HDAC4: variants seen among roughly 807,000 people sequenced by gnomAD.
HDAC4 encodes the protein histone deacetylase A.
In HDAC4, 16 loss-of-function variants were observed where a neutral mutation model predicts 135.1. The ratio of observed to expected loss-of-function variants is 0.12; its 90% confidence interval spans 0.08 to 0.18. The LOEUF is 0.18. HDAC4 is among the 10% of genes least tolerant of loss of function. The probability of loss-of-function intolerance (pLI) is 1.00; values close to 1 mark genes in which losing one functional copy is unlikely to be tolerated. For synonymous variants in HDAC4, 685 were observed against 653.4 expected (o/e 1.05, Z -0.74); for missense variants, 1,143 against 1,511.8 (o/e 0.76, Z 4.05).
chr2:239,387,049 G>A (rs1320967074), intron 1 of HDAC4, among the ~76,000 whole-genome samples: 4 of 152,230 alleles, frequency 2.6e-5, no homozygotes, highest in Non-Finnish European at 5.9e-5. Context: ...GCGTCTATCT[G>A]TATGAGGGTG....
chr2:239,395,992 G>C (rs1007057388), intron 1 of HDAC4, among the ~76,000 whole-genome samples: 1 of 152,020 alleles, frequency 6.6e-6, no homozygotes, highest in Non-Finnish European at 1.5e-5. Flanking sequence ...TTTTGGGGGG[G>C]ACAGCCCAGG....
chr2:239,238,459 G>C (rs1296384754), intron 2 of HDAC4, among the ~76,000 whole-genome samples: 1 of 152,122 alleles, frequency 6.6e-6, no homozygotes, highest in African/African-American at 2.4e-5. Flanking sequence ...CCTGGTCAGG[G>C]TTCTGCAACA....
rs892574941 is a variant in HDAC4 at position 239,303,627 on chromosome 2, C to A, written c.22+49051G>T. Among the ~76,000 whole-genome samples, 1 of 151,924 alleles carries A rather than the reference C, an allele frequency of 6.6e-6. No individual in the cohort carries two copies. The highest frequency in any genetic ancestry group is 1.5e-5 in the Non-Finnish European group (1 of 67,948). On this transcript the variant is annotated intron_variant, in intron 2 of 26. Transcript: ENST00000543185. This position sits in a 1 kb window ranked among gnomAD's most constrained non-coding sequence, Gnocchi z 5.1. ...TTTTTTTAATTCACAATTGAGGAAACCAACAGGTTGAGCTGCTGCCTCAAG... is the reference window on the plus strand; with the variant it reads ...TTTTTTTAATTCACAATTGAGGAAAACAACAGGTTGAGCTGCTGCCTCAAG...
intron 2 of HDAC4, among the ~76,000 whole-genome samples, chr2:239,266,734 A>G (rs904953082): frequency 6.6e-6 from 1 of 152,106 alleles, no homozygotes; most frequent in Non-Finnish European, 1.5e-5. Flanking sequence ...CACCATTTCC[A>G]GGTAGCCCAA....
chr2:239,241,796 GTTA>G (rs1431378159), intron 2 of HDAC4, among the ~76,000 whole-genome samples: 1 of 152,150 alleles, frequency 6.6e-6, no homozygotes, highest in Admixed American at 6.5e-5. Context: ...TCCCCTCAGT[GTTA>G]TTAAGAGGTC....
chr2:239,117,758 C>T (rs988933517), intron 12 of HDAC4, among the ~76,000 whole-genome samples: 2 of 152,098 alleles, frequency 1.3e-5, no homozygotes, highest in South Asian at 2.1e-4. Context: ...CATCTGTCCC[C>T]GTGGGGAACG....
At position 239,126,690 on chromosome 2, in the gene HDAC4, C is replaced by A; in HGVS notation, c.1299G>T (p.Trp433Cys). Residue 433 changes from tryptophan to cysteine, a missense_variant, in exon 12 of 27, where the codon TGG (tryptophan) becomes TGT (cysteine). By Grantham distance (215) the Trp-to-Cys change is radical (BLOSUM62 -2). Transcript: ENST00000543185. ...GCAGTGCTCCCAGGCCTGAAAGATA[C>A]CAGTCTGAAGATAATTGGAGGAAGA... ...PPAQAPLVTD[W>C]YLSGLGALPL... 2 of 1,613,536 alleles carry A rather than the reference C, an allele frequency of 1.2e-6. No homozygotes were observed. Among genetic ancestry groups the A allele is most frequent in the South Asian group, 1.1e-5 (1 of 91,074 alleles).
chr2:239,227,519 T>C (rs964270097), intron 3 of HDAC4, among the ~76,000 whole-genome samples: 1 of 152,270 alleles, frequency 6.6e-6, no homozygotes, highest in East Asian at 1.9e-4. Flanking sequence ...AGATGGCAGA[T>C]ACCGTGCTCA....
At chr2:239,252,132 T>C (rs1277767028) in intron 2 of HDAC4, among the ~76,000 whole-genome samples, 1 of 152,214 alleles carries the variant, frequency 6.6e-6, no homozygotes, top group Non-Finnish European at 1.5e-5. Flanking sequence ...TTCCAGCTTG[T>C]GGTTTCCACA....
At chr2:239,353,742 ATAAATT>A (rs1693311633) in intron 1 of HDAC4, among the ~76,000 whole-genome samples, 1 of 152,240 alleles carries the variant, frequency 6.6e-6, no homozygotes. Flanking sequence ...TCCAACTAAT[ATAAATT>A]TATTCTGTCA....
At position 239,113,181 on chromosome 2, in the gene HDAC4, C is replaced by T. The variant is rs114078684; in HGVS notation, c.1792-1469G>A. Reference sequence around the variant, plus strand: ...AGAATAATTGCTTGAGCCCAGGAGGCGGAGGCTGTAGTGAGCTGAGATGGC... The same window carrying T: ...AGAATAATTGCTTGAGCCCAGGAGGTGGAGGCTGTAGTGAGCTGAGATGGC... On this transcript the variant is annotated intron_variant, in intron 13 of 26. Transcript: ENST00000543185. Among the ~76,000 whole-genome samples the T allele has an allele frequency of 8.5e-3, 1,292 of 152,314 alleles. 21 individuals carry two copies. The highest frequency in any genetic ancestry group is 0.029 in the African/African-American group (1,223 of 41,564).
chr2:239,283,577 G>A (rs1481282597), intron 2 of HDAC4, among the ~76,000 whole-genome samples: 3 of 152,244 alleles, frequency 2.0e-5, no homozygotes, highest in Non-Finnish European at 1.5e-5. Context: ...GCAGAGAAGA[G>A]AGCACTGCAG....
chr2:239,274,091 A>G (rs1156988382), intron 2 of HDAC4, among the ~76,000 whole-genome samples: 1 of 152,236 alleles, frequency 6.6e-6, no homozygotes, highest in Non-Finnish European at 1.5e-5. Context: ...TGGGGACAGC[A>G]GCCTAGTCCG....
At chr2:239,083,633 C>T (rs2035573447) in intron 20 of HDAC4, among the ~76,000 whole-genome samples, 1 of 152,132 alleles carries the variant, frequency 6.6e-6, no homozygotes, top group Admixed American at 6.5e-5. Flanking sequence ...ATGAGTATAC[C>T]TATTCGTGGA....
At chr2:239,211,963 G>C (rs1394707325) in intron 3 of HDAC4, among the ~76,000 whole-genome samples, 4 of 152,080 alleles carry the variant, frequency 2.6e-5, no homozygotes, top group African/African-American at 9.7e-5. Flanking sequence ...AGGTACAAAG[G>C]GTTCCATTCT....
At chr2:239,342,154 G>C (rs1237151632) in intron 2 of HDAC4, among the ~76,000 whole-genome samples, 1 of 151,930 alleles carries the variant, frequency 6.6e-6, no homozygotes. Flanking sequence ...ACGAACAAAG[G>C]CATCACCTAA....
chr2:239,343,813 G>C (rs1692450694), intron 2 of HDAC4, among the ~76,000 whole-genome samples: 1 of 152,174 alleles, frequency 6.6e-6, no homozygotes, highest in Non-Finnish European at 1.5e-5. Flanking sequence ...CGATTCTAGC[G>C]GTGCCAGATT....
chr2:239,383,122 T>G (rs1407967088), intron 1 of HDAC4, among the ~76,000 whole-genome samples: 1 of 152,194 alleles, frequency 6.6e-6, no homozygotes, highest in Admixed American at 6.5e-5. Flanking sequence ...CAACACGGTC[T>G]CACAGTCCAG....
At chr2:239,168,701 A>C (rs144417934) in intron 5 of HDAC4, among the ~76,000 whole-genome samples, 19 of 152,154 alleles carry the variant, frequency 1.2e-4, no homozygotes, top group Non-Finnish European at 2.4e-4. Flanking sequence ...TTCATGGGGG[A>C]AGACGCCGGC....
Sources: allele counts gnomAD v4.1 joint callset (sites outside exome capture counted in the v4.1 genomes callset), GRCh38; gene constraint gnomAD v4.1.1; non-coding constraint Gnocchi (gnomAD v3.1); transcripts MANE v1.5; gene names NCBI Gene and HGNC (gene_info 2026-07-23, HGNC 2026-07-21).